The following CSMD3 variants were observed in gnomAD, a reference collection of about 807,000 sequenced individuals.
The protein encoded by CSMD3 is CUB and Sushi multiple domains 3, also known as CUB and sushi domain-containing protein 3.
A neutral mutation model predicts 435.2 loss-of-function variants in CSMD3; 177 were observed. That is an observed-to-expected ratio of 0.41 (90% CI 0.36 to 0.46). The LOEUF (loss-of-function observed/expected upper bound fraction) is 0.46, where lower values mean the gene tolerates loss of function less well. CSMD3 is among the 20% of genes least tolerant of loss of function. The probability of loss-of-function intolerance (pLI) is 0.34; values close to 1 mark genes in which losing one functional copy is unlikely to be tolerated. For missense variants in CSMD3, 4,265 were observed against 4,504.6 expected (o/e 0.95, Z 1.52); for synonymous variants, 1,656 against 1,520.5 (o/e 1.09, Z -2.07).
intron 61 of CSMD3, among the ~76,000 whole-genome samples, chr8:112,259,892 T>C (rs1816217545): frequency 6.6e-6 from 1 of 152,128 alleles, no homozygotes; most frequent in African/African-American, 2.4e-5. Flanking sequence ...AACTAACTTA[T>C]TGCCTAACCT....
intron 1 of CSMD3, among the ~76,000 whole-genome samples, chr8:113,408,741 T>G (rs1287989551): frequency 6.6e-6 from 1 of 150,444 alleles, no homozygotes; most frequent in Non-Finnish European, 1.5e-5. Context: ...CACTGCAACC[T>G]CTCCCTCCTG....
At chr8:113,115,973 G>A (rs1479521061) in intron 4 of CSMD3, among the ~76,000 whole-genome samples, 2 of 152,080 alleles carry the variant, frequency 1.3e-5, no homozygotes, top group African/African-American at 4.8e-5. Context: ...CAGCAAGAAG[G>A]CATCATCTAT....
chr8:113,040,788 T>C (rs765746850), intron 5 of CSMD3, among the ~76,000 whole-genome samples: 3 of 152,126 alleles, frequency 2.0e-5, no homozygotes, highest in South Asian at 2.1e-4. Context: ...TATATACATA[T>C]GGTGTTTACA....
In CSMD3 at chr8:112,573,674, T is replaced by C. The variant is rs372024428; in HGVS notation, c.3886-17A>G. 496 of 1,544,078 alleles carry C rather than the reference T, an allele frequency of 3.2e-4. 1 individual carries two copies. The highest frequency in any genetic ancestry group is 4.2e-4 in the Non-Finnish European group (473 of 1,117,916). ...ATCATAAATCTGCAAAATATATTTA[T>C]AATTAAAATGTAAATGTGCCAATAA... On this transcript the variant is annotated splice_polypyrimidine_tract_variant and intron_variant, in intron 23 of 70. Transcript: ENST00000297405.
chr8:113,187,897 C>T (rs1564406063), intron 3 of CSMD3, among the ~76,000 whole-genome samples: 1 of 151,982 alleles, frequency 6.6e-6, no homozygotes, highest in East Asian at 1.9e-4. Context: ...CTTACGCTTG[C>T]CTAGCCACAT....
In CSMD3 at chr8:113,080,985, C is replaced by T. The variant is rs193194007; in HGVS notation, c.917+17771G>A. Among the ~76,000 whole-genome samples, 36 of 152,254 alleles carry T rather than the reference C, an allele frequency of 2.4e-4. No individual in the cohort carries two copies. In the East Asian group the frequency reaches 6.6e-3, roughly 28 times the overall value. On this transcript the variant is annotated intron_variant, in intron 5 of 70. Coordinates refer to ENST00000297405, the MANE Select transcript of CSMD3 (RefSeq NM_198123.2). The stretch of plus-strand genomic sequence containing the variant: ...TTAAATTTTATTTCTCCCAAATCAT[C>T]TTCCATATCTAATATGAAAACATAG...
At chr8:112,942,067 GC>G (rs2083467285) in intron 9 of CSMD3, among the ~76,000 whole-genome samples, 1 of 151,238 alleles carries the variant, frequency 6.6e-6, no homozygotes, top group South Asian at 2.1e-4. Flanking sequence ...TAGATTCACT[GC>G]CCTTATATGT....
chr8:113,408,255 T>C (rs889141699), intron 1 of CSMD3, among the ~76,000 whole-genome samples: 1 of 152,178 alleles, frequency 6.6e-6, no homozygotes, highest in Admixed American at 6.5e-5. Flanking sequence ...TATGAGTCCA[T>C]GTTCACTATT....
intron 1 of CSMD3, among the ~76,000 whole-genome samples, chr8:113,424,801 G>T (rs2094626739): frequency 6.6e-6 from 1 of 151,382 alleles, no homozygotes; most frequent in South Asian, 2.1e-4. Flanking sequence ...GCCTTTCATT[G>T]GAAAGTTACA....
chr8:113,331,376 C>T (rs2094026569), intron 1 of CSMD3, among the ~76,000 whole-genome samples: 1 of 151,112 alleles, frequency 6.6e-6, no homozygotes, highest in South Asian at 2.1e-4. Context: ...AAATTAATAC[C>T]AACTTTTCAC....
intron 32 of CSMD3, among the ~76,000 whole-genome samples, chr8:112,457,985 A>G (rs572904376): frequency 6.6e-6 from 1 of 152,190 alleles, no homozygotes; most frequent in South Asian, 2.1e-4. Context: ...CTCACCCAGG[A>G]TAAAGGATTA....
chr8:112,321,173 T>C (rs1325325618), intron 45 of CSMD3, among the ~76,000 whole-genome samples: 1 of 152,122 alleles, frequency 6.6e-6, no homozygotes, highest in Non-Finnish European at 1.5e-5. Flanking sequence ...TTGTTTTATA[T>C]GCCTATTTTT....
At chr8:112,406,195 GATAGT>G (rs1831843256) in intron 35 of CSMD3, among the ~76,000 whole-genome samples, 1 of 151,580 alleles carries the variant, frequency 6.6e-6, no homozygotes, top group African/African-American at 2.4e-5. Context: ...AAAATAAAAG[GATAGT>G]AGTCCTTCAT....
At chr8:112,534,735 A>G (rs897253104) in intron 27 of CSMD3, among the ~76,000 whole-genome samples, 35 of 152,074 alleles carry the variant, frequency 2.3e-4, no homozygotes, top group African/African-American at 8.5e-4. Context: ...CAAAAAAGAG[A>G]ATTTTAGACC....
intron 32 of CSMD3, among the ~76,000 whole-genome samples, chr8:112,430,671 A>C (rs754706241): frequency 2.0e-5 from 3 of 152,054 alleles, no homozygotes; most frequent in Non-Finnish European, 4.4e-5. Flanking sequence ...TGGTCACATA[A>C]ATCACTTGGA....
In CSMD3 at chr8:112,581,724, G is replaced by A. The variant is rs149474232; in HGVS notation, c.3885+5342C>T. 3.9e-3 allele frequency among the ~76,000 whole-genome samples: 597 copies of A among 152,126 alleles called. 2 individuals are homozygous for A. Among genetic ancestry groups the A allele is most frequent in the African/African-American group, 0.013 (521 of 41,530 alleles). On this transcript the variant is annotated intron_variant, in intron 23 of 70. Coordinates refer to ENST00000297405, the MANE Select transcript of CSMD3 (RefSeq NM_198123.2). ...TAGTTCCTGCTGTCTTATAGCATGC[G>A]TTCTATTGGAGAAGACAAAAATTAA...
At chr8:113,105,403 T>C (rs986732500) in intron 4 of CSMD3, among the ~76,000 whole-genome samples, 7 of 152,046 alleles carry the variant, frequency 4.6e-5, no homozygotes, top group African/African-American at 1.7e-4. Context: ...GCATGAGCAA[T>C]GGAATGTTAG....
chr8:113,158,566 A>C (rs1475514549), intron 4 of CSMD3, among the ~76,000 whole-genome samples: 5 of 152,034 alleles, frequency 3.3e-5, no homozygotes, highest in Non-Finnish European at 5.9e-5. Flanking sequence ...GGGAGTGATT[A>C]TTTTCTTTCA....
intron 10 of CSMD3, among the ~76,000 whole-genome samples, chr8:112,901,539 C>A (rs538703225): frequency 6.6e-6 from 1 of 151,296 alleles, no homozygotes. Context: ...CATTGTACTG[C>A]TCAAAACTGA....
Sources: gnomAD v4.1 joint callset for allele counts (sites outside exome capture counted in the v4.1 genomes callset) on GRCh38, gnomAD v4.1.1 for gene constraint, MANE v1.5 for transcripts, NCBI Gene and HGNC (gene_info 2026-07-23, HGNC 2026-07-21) for gene names.